Variants in TTC1 observed in about 807,000 individuals in gnomAD.
The protein encoded by TTC1 is tetratricopeptide repeat protein 1.
TTC1 carries 31 observed loss-of-function variants against 37.6 expected under a neutral mutation model. The observed-to-expected ratio is 0.82, with a 90% CI of 0.62 to 1.11. TTC1 has a LOEUF of 1.11. Among genes scored for constraint, TTC1 ranks in the 50% most tolerant of loss-of-function variants. The pLI is 0.00. For synonymous variants in TTC1, 127 were observed against 122.4 expected (o/e 1.04, Z -0.25); for missense variants, 351 against 339.0 (o/e 1.04, Z -0.28).
intron 2 of TTC1, among the ~76,000 whole-genome samples, chr5:160,025,341 T>C (rs1215675985): frequency 6.6e-6 from 1 of 152,148 alleles, no homozygotes; most frequent in South Asian, 2.1e-4. Context: ...TTTTGTTTTT[T>C]AGTAGAGACG....
intron 7 of TTC1, among the ~76,000 whole-genome samples, chr5:160,058,938 A>G (rs1757623992): frequency 6.6e-6 from 1 of 152,174 alleles, no homozygotes; most frequent in Non-Finnish European, 1.5e-5. Context: ...TGCTCAGTAA[A>G]TTATTCTATA....
At chr5:160,040,239 GATAC>G in intron 4 of TTC1, among the ~76,000 whole-genome samples, 1 of 152,012 alleles carries the variant, frequency 6.6e-6, no homozygotes, top group East Asian at 1.9e-4. Context: ...TATATATATA[GATAC>G]ATAAACACAC....
rs1273926659 is a variant in TTC1, at chr5:160,065,427, C to G, written c.*362C>G. On this transcript the variant is annotated 3_prime_UTR_variant, in exon 8 of 8. Coordinates refer to ENST00000231238, the MANE Select transcript of TTC1 (RefSeq NM_003314.3). ...ACAAACCTGTTGGTTGGGAGACTGCCCAGACATGATTGATGACGGGTTCCC... is the reference window on the plus strand; with the variant it reads ...ACAAACCTGTTGGTTGGGAGACTGCGCAGACATGATTGATGACGGGTTCCC... The G allele has an allele frequency of 6.4e-6, 3 of 469,318 alleles. No individual in the cohort carries two copies. The East Asian group carries it at 2.0e-4, about 31-fold the overall frequency. The allele number at this position is 469,318 out of a possible 1,614,324, so 29.1% of individuals were successfully genotyped here. A position where few individuals can be genotyped will look rare whatever the true frequency, so the allele number is the denominator to read the frequency against.
chr5:160,046,275 C>T (rs1045231109), intron 5 of TTC1, among the ~76,000 whole-genome samples: 1 of 152,280 alleles, frequency 6.6e-6, no homozygotes, highest in South Asian at 2.1e-4. Context: ...TTAGTCGTTG[C>T]TTCTCTAGCC....
chr5:160,015,426 C>T (rs185817353), intron 2 of TTC1, among the ~76,000 whole-genome samples: 3 of 152,076 alleles, frequency 2.0e-5, no homozygotes, highest in South Asian at 2.1e-4. Flanking sequence ...AGGCTGGTCT[C>T]GAACTCCTGG....
chr5:160,035,066 A>G, intron 2 of TTC1, 74 bp from the exon 3 acceptor site: 2 of 1,323,344 alleles, frequency 1.5e-6, no homozygotes, highest in Non-Finnish European at 2.0e-6. Flanking sequence ...AGACTTGTGC[A>G]TAAGGAAAGC....
rs201830351 is a variant in TTC1 at position 160,064,919 on chromosome 5, T to G, written c.746-13T>G. 3.1e-6 allele frequency: 5 copies of G among 1,604,384 alleles called. No homozygotes were observed. In the East Asian group the frequency reaches 8.9e-5, roughly 29 times the overall value. On this transcript the variant is annotated splice_polypyrimidine_tract_variant and intron_variant, in intron 7 of 7. Transcript: ENST00000231238. ...TTCCTGTATTCATTTGAGTTTTTGC[T>G]TTTACATTACAGGTAAATTAAAAGA... is the stretch of plus-strand genomic sequence containing the variant.
intron 5 of TTC1, among the ~76,000 whole-genome samples, chr5:160,045,526 T>TA (rs1561635001): frequency 1.7e-4 from 21 of 122,952 alleles, no homozygotes; most frequent in African/African-American, 6.4e-4. Context: ...ACACACTCTC[T>TA]CTCTCTCTCT....
chr5:160,027,588 G>T (rs1756829452), intron 2 of TTC1, among the ~76,000 whole-genome samples: 1 of 152,156 alleles, frequency 6.6e-6, no homozygotes, highest in Non-Finnish European at 1.5e-5. Context: ...ATTTCCTCCT[G>T]TGGTTTTGAG....
chr5:160,020,814 T>G (rs1326581378), intron 2 of TTC1, among the ~76,000 whole-genome samples: 1 of 152,234 alleles, frequency 6.6e-6, no homozygotes, highest in Non-Finnish European at 1.5e-5. Context: ...TTCTACATTA[T>G]GGTGAATTGT....
intron 7 of TTC1, among the ~76,000 whole-genome samples, chr5:160,053,332 C>T (rs982660176): frequency 3.3e-5 from 5 of 152,086 alleles, no homozygotes; most frequent in African/African-American, 1.2e-4. Context: ...GTGGCTCACA[C>T]CTGTAATCCC....
At chr5:160,052,304 G>T (rs1757421802) in intron 7 of TTC1, among the ~76,000 whole-genome samples, 1 of 152,002 alleles carries the variant, frequency 6.6e-6, no homozygotes, top group South Asian at 2.1e-4. Flanking sequence ...AGGAGTTCAA[G>T]GCCAGCCTAG....
chr5:160,059,207 T>TAA (rs1757630752), intron 7 of TTC1, among the ~76,000 whole-genome samples: 1 of 152,182 alleles, frequency 6.6e-6, no homozygotes, highest in South Asian at 2.1e-4. Flanking sequence ...TCATCTACAC[T>TAA]AAAAACATGC....
intron 1 of TTC1, 34 bp from the exon 2 acceptor site, chr5:160,010,466 C>G (rs931309912): frequency 4.3e-6 from 6 of 1,410,454 alleles, no homozygotes; most frequent in Non-Finnish European, 5.9e-6. Flanking sequence ...ATACAAGCAC[C>G]ATTATATAGC....
chr5:160,014,458 G>GT (rs1419824003), intron 2 of TTC1, among the ~76,000 whole-genome samples: 1 of 150,650 alleles, frequency 6.6e-6, no homozygotes, highest in East Asian at 2.0e-4. Flanking sequence ...GAGCCCAGGA[G>GT]TTTGAGACCA....
chr5:160,058,398 GAA>G (rs1248907657), intron 7 of TTC1, among the ~76,000 whole-genome samples: 23 of 150,644 alleles, frequency 1.5e-4, no homozygotes, highest in South Asian at 6.3e-4. Flanking sequence ...ATAGCCATAT[GAA>G]GTGTATTTCT....
chr5:160,016,896 C>T (rs1014060621), intron 2 of TTC1, among the ~76,000 whole-genome samples: 13 of 152,164 alleles, frequency 8.5e-5, no homozygotes, highest in African/African-American at 1.2e-4. Context: ...AGATAATTCA[C>T]GCTCAAGTGT....
chr5:160,036,726 C>G lies in TTC1; in HGVS notation c.427C>G (p.Leu143Val), dbSNP rs1328282903. 2 of 1,613,958 alleles carry G rather than the reference C, an allele frequency of 1.2e-6. No homozygotes were observed. The highest frequency in any genetic ancestry group is 1.7e-6 in the Non-Finnish European group (2 of 1,179,938). The change falls in exon 4 of 8, where the codon CTC (leucine) becomes GTC (valine). Residue 143 changes from leucine to valine, a missense_variant. Coordinates refer to ENST00000231238, the MANE Select transcript of TTC1 (RefSeq NM_003314.3). ...AGCTGAAAGTTCTTATAGTCGAGCCCTCGAAATGTGCCCATCCTGCTTCCA... is the reference window on the plus strand; with the variant it reads ...AGCTGAAAGTTCTTATAGTCGAGCCGTCGAAATGTGCCCATCCTGCTTCCA... ...IEAESSYSRA[L>V]EMCPSCFQKE...
intron 2 of TTC1, among the ~76,000 whole-genome samples, chr5:160,019,640 T>C (rs1378211736): frequency 6.9e-6 from 1 of 145,830 alleles, no homozygotes; most frequent in East Asian, 2.0e-4. Flanking sequence ...CAAGCTGGAG[T>C]GCAGCGGTGC....
Sources: gnomAD v4.1 joint callset for allele counts (sites outside exome capture counted in the v4.1 genomes callset) on GRCh38, gnomAD v4.1.1 for gene constraint, MANE v1.5 for transcripts, NCBI Gene and HGNC (gene_info 2026-07-23, HGNC 2026-07-21) for gene names.